Variants in TOX observed in about 807,000 individuals in gnomAD.
TOX encodes thymocyte selection-associated high mobility group box protein TOX.
Under a neutral mutation model 53.7 loss-of-function variants are expected in TOX, and 11 were observed. The observed-to-expected ratio is 0.20, with a 90% confidence interval of 0.13 to 0.34. The LOEUF (loss-of-function observed/expected upper bound fraction) is 0.34. Among genes scored for constraint, TOX ranks in the 10% least tolerant of loss-of-function variants. The pLI is 1.00. For synonymous variants in TOX, 225 were observed against 245.3 expected (o/e 0.92, Z 0.77); for missense variants, 570 against 664.6 (o/e 0.86, Z 1.56).
chr8:58,924,303 T>C (rs1363161952), intron 3 of TOX, among the ~76,000 whole-genome samples: 1 of 152,212 alleles, frequency 6.6e-6, no homozygotes, highest in Non-Finnish European at 1.5e-5. Context: ...TTGTACAGTA[T>C]ATACAGAGTT....
chr8:58,991,536 C>A (rs1813447518), intron 1 of TOX, among the ~76,000 whole-genome samples: 1 of 152,152 alleles, frequency 6.6e-6, no homozygotes, highest in Non-Finnish European at 1.5e-5. Flanking sequence ...ACCATAAAAG[C>A]TAGTTAAAAA....
Position 58,955,967 on chromosome 8 carries a change from T to C in TOX, c.168+3976A>G, listed in dbSNP as rs552303090. On this transcript the variant is annotated intron_variant, in intron 2 of 8. Coordinates refer to ENST00000361421, the MANE Select transcript of TOX (RefSeq NM_014729.3). Reference sequence around the variant, plus strand: ...CCAGGCTGGTCTCGAACTCCTGACCTCAGGTGATCCGCCCACTTCGGCCTC... The same window carrying C: ...CCAGGCTGGTCTCGAACTCCTGACCCCAGGTGATCCGCCCACTTCGGCCTC... 4.7e-3 allele frequency among the ~76,000 whole-genome samples: 713 copies of C among 152,122 alleles called. 2 individuals are homozygous for C. Among genetic ancestry groups the C allele is most frequent in the African/African-American group, 0.017 (689 of 41,484 alleles).
At chr8:58,913,468 C>T (rs112340099) in intron 3 of TOX, among the ~76,000 whole-genome samples, 1 of 152,310 alleles carries the variant, frequency 6.6e-6, no homozygotes, top group Non-Finnish European at 1.5e-5. Flanking sequence ...AGACAGTGTT[C>T]GTACAGCACT....
chr8:59,033,211 G>T (rs1007040430), intron 1 of TOX, among the ~76,000 whole-genome samples: 8 of 152,170 alleles, frequency 5.3e-5, no homozygotes, highest in Non-Finnish European at 2.9e-5. Context: ...AGTTGGACAG[G>T]ATTTAAAACA....
At chr8:58,932,894 T>C (rs1812280821) in intron 3 of TOX, among the ~76,000 whole-genome samples, 1 of 152,154 alleles carries the variant, frequency 6.6e-6, no homozygotes, top group Admixed American at 6.5e-5. Flanking sequence ...ACAATAAATC[T>C]GAGTATATAC....
At chr8:59,076,977 T>C (rs1804303935) in intron 1 of TOX, among the ~76,000 whole-genome samples, 1 of 152,240 alleles carries the variant, frequency 6.6e-6, no homozygotes, top group Non-Finnish European at 1.5e-5. Context: ...TTGCATATTA[T>C]AATTGAAACC....
chr8:58,838,580 C>G (rs774024572), intron 4 of TOX, among the ~76,000 whole-genome samples: 7 of 151,948 alleles, frequency 4.6e-5, no homozygotes, highest in Non-Finnish European at 8.8e-5. Flanking sequence ...TAAATACAAC[C>G]CCTTAACATT....
intron 1 of TOX, among the ~76,000 whole-genome samples, chr8:59,055,200 T>C (rs770586452): frequency 5.3e-5 from 8 of 152,140 alleles, no homozygotes; most frequent in Non-Finnish European, 8.8e-5. Context: ...AAGGGGGAGC[T>C]GTGCTCCGAT....
At chr8:58,976,040 C>CT (rs1813093052) in intron 1 of TOX, among the ~76,000 whole-genome samples, 1 of 151,270 alleles carries the variant, frequency 6.6e-6, no homozygotes, top group African/African-American at 2.4e-5. Flanking sequence ...CCACTGCACT[C>CT]TAGCCTGGAG....
intron 3 of TOX, among the ~76,000 whole-genome samples, chr8:58,857,753 T>C (rs909636935): frequency 3.9e-5 from 6 of 152,158 alleles, no homozygotes; most frequent in African/African-American, 1.2e-4. Flanking sequence ...GTTTTCACTT[T>C]CTTTCCTTTG....
chr8:59,005,205 AT>A (rs1244967284), intron 1 of TOX, among the ~76,000 whole-genome samples: 1 of 151,872 alleles, frequency 6.6e-6, no homozygotes, highest in Admixed American at 6.6e-5. Flanking sequence ...AGCCTGGCTA[AT>A]TTTTTGTATT....
In TOX at chr8:58,805,547, C is replaced by T. The variant is rs1275366569; in HGVS notation, c.*2200G>A. ...TGCTCTAGAAAAGCTGTAAACAACA[C>T]GGCACTGTGCTTTCCTGCACAAACC... On this transcript the variant is annotated 3_prime_UTR_variant, in exon 9 of 9. Transcript: ENST00000361421. 1 of 152,642 alleles carries T rather than the reference C, an allele frequency of 6.6e-6. No individual in the cohort carries two copies. The highest frequency in any genetic ancestry group is 1.5e-5 in the Non-Finnish European group (1 of 68,046). The allele number at this position is 152,642 out of a possible 1,614,324, so 9.5% of individuals were successfully genotyped here. A position where few individuals can be genotyped will look rare whatever the true frequency, so the allele number is the denominator to read the frequency against.
chr8:58,861,573 T>C (rs1811009771), intron 3 of TOX, among the ~76,000 whole-genome samples: 1 of 152,222 alleles, frequency 6.6e-6, no homozygotes, highest in Non-Finnish European at 1.5e-5. Context: ...ATGTGCTTTA[T>C]TTCTAGAATA....
At chr8:59,034,793 G>A (rs1276027611) in intron 1 of TOX, among the ~76,000 whole-genome samples, 2 of 152,190 alleles carry the variant, frequency 1.3e-5, no homozygotes, top group Admixed American at 1.3e-4. Flanking sequence ...TACCTACACG[G>A]CTCTCATTAT....
chr8:59,040,406 G>A (rs1442482500), intron 1 of TOX, among the ~76,000 whole-genome samples: 1 of 148,838 alleles, frequency 6.7e-6, no homozygotes, highest in East Asian at 2.0e-4. Context: ...TGCTATCTTA[G>A]ACCATCAGCA....
chr8:58,880,658 C>T (rs1170625956), intron 3 of TOX, among the ~76,000 whole-genome samples: 3 of 152,106 alleles, frequency 2.0e-5, no homozygotes, highest in African/African-American at 7.2e-5. Context: ...TAGAGCTCTG[C>T]ATGGGCCTGA....
At chr8:58,852,390 C>A (rs1810839432) in intron 3 of TOX, among the ~76,000 whole-genome samples, 1 of 152,118 alleles carries the variant, frequency 6.6e-6, no homozygotes, top group Non-Finnish European at 1.5e-5. Flanking sequence ...CTGGTATTAA[C>A]CAATTATTAA....
intron 1 of TOX, among the ~76,000 whole-genome samples, chr8:58,969,651 T>G (rs1812966807): frequency 6.6e-6 from 1 of 152,246 alleles, no homozygotes; most frequent in African/African-American, 2.4e-5. Context: ...TCAATGTATT[T>G]CAGATTTTCA....
chr8:59,033,989 C>A (rs576895658), intron 1 of TOX, among the ~76,000 whole-genome samples: 11 of 152,256 alleles, frequency 7.2e-5, no homozygotes, highest in African/African-American at 2.6e-4. Context: ...GAAAATGTAC[C>A]CAAACAAAAA....
Sources: gnomAD v4.1 joint callset for allele counts (sites outside exome capture counted in the v4.1 genomes callset) on GRCh38, gnomAD v4.1.1 for gene constraint, MANE v1.5 for transcripts, NCBI Gene and HGNC (gene_info 2026-07-23, HGNC 2026-07-21) for gene names.